LPL: variants seen among roughly 807,000 people sequenced by gnomAD.
LPL encodes lipoprotein lipase, also known as phospholipase A1.
LPL carries 43 observed loss-of-function variants against 52.2 expected under a neutral mutation model. The observed-to-expected ratio is 0.82, with a 90% CI of 0.64 to 1.06. The LOEUF (loss-of-function observed/expected upper bound fraction) is 1.06, where lower values mean the gene tolerates loss of function less well. LPL is among the 50% of genes least tolerant of loss of function. The pLI, the probability that LPL is intolerant of heterozygous loss-of-function variation, is 0.00. For missense variants in LPL, 639 were observed against 585.3 expected (o/e 1.09, Z -0.95); for synonymous variants, 244 against 215.6 (o/e 1.13, Z -1.15).
At chr8:19,955,689 C>G in intron 5 of LPL, 152 bp from the exon 6 acceptor site, 1 of 1,023,478 alleles carries the variant, frequency 9.8e-7, no homozygotes. Context: ...AGAATATCTC[C>G]TGAAATAGGG....
At chr8:19,947,666 C>G (rs867320651) in intron 1 of LPL, among the ~76,000 whole-genome samples, 1 of 118,854 alleles carries the variant, frequency 8.4e-6, no homozygotes, top group Non-Finnish European at 1.7e-5. Context: ...ACCCCCCCCC[C>G]GCCCCACACA....
In LPL at chr8:19,951,866, G is replaced by C. The variant is rs775728208; in HGVS notation, c.347G>C (p.Arg116Pro). ...GTCATTGTGGTGGACTGGCTGTCAC[G>C]GGCTCAGGAGCATTACCCAGTGTCC... ...SNVIVVDWLSRAQEHYPVSAG... is the reference protein window; with the variant it reads ...SNVIVVDWLSPAQEHYPVSAG... The change falls in exon 3 of 10, where the codon CGG becomes CCG. Residue 116 changes from arginine (R) to proline (P), a missense_variant. By Grantham distance (103) the Arg-to-Pro change is moderately radical. Transcript: ENST00000650287. 2 of 1,613,970 alleles carry C rather than the reference G, an allele frequency of 1.2e-6. No homozygotes were observed. The highest frequency in any genetic ancestry group is 1.7e-5 in the Admixed American group (1 of 59,980).
At chr8:19,946,397 T>G in intron 1 of LPL, 1 of 164,992 alleles carries the variant, frequency 6.1e-6, no homozygotes, top group Non-Finnish European at 1.3e-5. Context: ...ACCACAATAT[T>G]GTTTAAGGAA....
Position 19,954,285 on chromosome 8 carries a change from GA to G in LPL, c.708del (p.Gly237ValfsTer15). 1.2e-6 allele frequency: 2 copies of G among 1,614,178 alleles called. No homozygotes were observed. The highest frequency in any genetic ancestry group is 1.7e-6 in the Non-Finnish European group (2 of 1,180,036). Reference protein sequence around the residue: ...PVGHVDIYPNGGTFQPGCNIG... With the variant: ...PVGHVDIYPNXGTFQPGCNIG... ...GGGCATGTTGACATTTACCCGAATG[GA>G]GGTACTTTTCAGCCAGGATGTAACA... is the stretch of plus-strand genomic sequence containing the variant. On this transcript the variant is annotated frameshift_variant, in exon 5 of 10. Coordinates refer to ENST00000650287, the MANE Select transcript of LPL (RefSeq NM_000237.3). LOFTEE classifies it high-confidence loss of function.
At chr8:19,947,626 C>G in intron 1 of LPL, among the ~76,000 whole-genome samples, 1 of 151,350 alleles carries the variant, frequency 6.6e-6, no homozygotes, top group East Asian at 1.9e-4. Context: ...GAACAAGACC[C>G]TGTCTCAAAA....
At chr8:19,956,749 G>C (rs991714918) in intron 6 of LPL, among the ~76,000 whole-genome samples, 3 of 152,128 alleles carry the variant, frequency 2.0e-5, no homozygotes, top group African/African-American at 4.8e-5. Context: ...ATAGCCCACA[G>C]AGCCTAAAAT....
intron 7 of LPL, among the ~76,000 whole-genome samples, chr8:19,960,583 A>ATT (rs1173151805): frequency 6.6e-6 from 1 of 152,222 alleles, no homozygotes; most frequent in Non-Finnish European, 1.5e-5. Context: ...TAGCTAAATA[A>ATT]TGTTCAAGTA....
intron 8 of LPL, among the ~76,000 whole-genome samples, chr8:19,961,296 T>C (rs1402331680): frequency 1.3e-5 from 2 of 151,890 alleles, no homozygotes; most frequent in Non-Finnish European, 2.9e-5. Flanking sequence ...GTATTTCATG[T>C]AAGGAAAACA....
In LPL at chr8:19,965,413, A is replaced by G. The variant is rs2070077266; in HGVS notation, c.*103A>G. 3 of 763,406 alleles carry G rather than the reference A, an allele frequency of 3.9e-6. No homozygotes were observed. Among genetic ancestry groups the G allele is most frequent in the Admixed American group, 3.5e-5 (2 of 57,674 alleles). The allele number at this position is 763,406 out of a possible 1,614,324, so 47.3% of individuals were successfully genotyped here. On this transcript the variant is annotated 3_prime_UTR_variant, in exon 10 of 10. Coordinates refer to ENST00000650287, the MANE Select transcript of LPL (RefSeq NM_000237.3). ...ACATACCCAGTGTTTGGGGTGTTTC[A>G]AAAGTGGATTTTCCTGAATATTAAT...
At position 19,954,383 on chromosome 8, in the gene LPL, T is replaced by C. The variant is rs2069964542; in HGVS notation, c.775+30T>C. The stretch of plus-strand genomic sequence containing the variant: ...ATATTATTTAGAAGCGAATTAAATG[T>C]GACTCTTATCCTTAACCCTTATTGA... On this transcript the variant is annotated intron_variant, in intron 5 of 9. Transcript: ENST00000650287. 3 of 1,591,064 alleles carry C rather than the reference T, an allele frequency of 1.9e-6. No homozygotes were observed. The East Asian group carries it at 6.7e-5, about 36-fold the overall frequency.
At chr8:19,965,057 C>A (rs1206194498) in intron 9 of LPL, among the ~76,000 whole-genome samples, 5 of 152,106 alleles carry the variant, frequency 3.3e-5, no homozygotes, top group African/African-American at 9.7e-5. Flanking sequence ...ATTTAGAAGT[C>A]ATTTGGCCCA....
At chr8:19,953,209 T>C (rs2069950026) in intron 3 of LPL, 101 bp from the exon 4 acceptor site, 1 of 734,326 alleles carries the variant, frequency 1.4e-6, no homozygotes, top group Non-Finnish European at 2.4e-6. Flanking sequence ...TAGTTTTCAG[T>C]ATTTCCTATA....
In LPL at chr8:19,966,890, C is replaced by T. The variant is rs1436173634; in HGVS notation, c.*1580C>T. ...TCCCCTTTATTAATTCATTAAATTT[C>T]TGGATTTGGGTTGTGACCCAGGGTG... On this transcript the variant is annotated 3_prime_UTR_variant, in exon 10 of 10. Transcript: ENST00000650287. 6.6e-6 allele frequency: 1 copy of T among 152,562 alleles called. No homozygotes were observed. Among genetic ancestry groups the T allele is most frequent in the Non-Finnish European group, 1.5e-5 (1 of 68,024 alleles). The allele number at this position is 152,562 out of a possible 1,614,324, so 9.5% of individuals were successfully genotyped here.
chr8:19,948,919 G>T (rs1431391525), intron 2 of LPL, among the ~76,000 whole-genome samples: 4 of 151,176 alleles, frequency 2.6e-5, no homozygotes, highest in Admixed American at 2.6e-4. Context: ...AAACTTTAGG[G>T]AGCCTTTCTG....
intron 9 of LPL, among the ~76,000 whole-genome samples, chr8:19,963,710 C>T (rs1282153108): frequency 6.6e-6 from 1 of 152,036 alleles, no homozygotes; most frequent in Non-Finnish European, 1.5e-5. Context: ...GGTGTATATA[C>T]TCTGAATGAC....
At chr8:19,954,551 C>T (rs1261782958) in intron 5 of LPL, among the ~76,000 whole-genome samples, 198 bp downstream of exon 5, 1 of 152,122 alleles carries the variant, frequency 6.6e-6, no homozygotes, top group Non-Finnish European at 1.5e-5. Flanking sequence ...ATTTACTATA[C>T]TGTAGGCTAC....
rs1121923 is a variant in LPL at position 19,951,924 on chromosome 8, G to C, written c.405G>C (p.Val135=). The change falls in exon 3 of 10, where the codon GTG becomes GTC. Residue 135 remains valine (V), a synonymous_variant. Transcript: ENST00000650287. ...ACACCAAACTGGTGGGACAGGATGT[G>C]GCCCGGTTTATCAACTGGATGGAGG... The part of the protein sequence containing the change: ...AGYTKLVGQD[V]ARFINWMEEE... The C allele has an allele frequency of 6.2e-7, 1 of 1,613,948 alleles. No homozygotes were observed.
rs963954681 is a variant in LPL, at chr8:19,950,274, G to C, written c.250-1495G>C. On this transcript the variant is annotated intron_variant, in intron 2 of 9. Transcript: ENST00000650287. This position sits in a 1 kb window ranked among gnomAD's most constrained non-coding sequence, Gnocchi z 4.2. The stretch of plus-strand genomic sequence containing the variant: ...CTGAAAACCAAAGATTTAAAACATA[G>C]TAATTATTGAACCTCAGAAGAAAAA... Among the ~76,000 whole-genome samples, 1 of 152,214 alleles carries C rather than the reference G, an allele frequency of 6.6e-6. No individual in the cohort carries two copies. The highest frequency in any genetic ancestry group is 1.5e-5 in the Non-Finnish European group (1 of 68,034).
chr8:19,948,434 C>G, intron 2 of LPL, 94 bp downstream of exon 2: 1 of 1,400,128 alleles, frequency 7.1e-7, no homozygotes. Context: ...GGGTCCGCAC[C>G]CCACATCTCA....
Sources: allele counts gnomAD v4.1 joint callset (sites outside exome capture counted in the v4.1 genomes callset), GRCh38; gene constraint gnomAD v4.1.1; non-coding constraint Gnocchi (gnomAD v3.1); transcripts MANE v1.5; gene names NCBI Gene and HGNC (gene_info 2026-07-23, HGNC 2026-07-21).